Variants in CIMIP6 observed in about 807,000 individuals in gnomAD.
CIMIP6 encodes the protein ciliary microtubule inner protein 6, also known as uncharacterized protein C2orf73.
the CIMIP6 span, among the ~76,000 whole-genome samples, chr2:54,380,386 G>T: frequency 6.6e-6 from 1 of 152,148 alleles, no homozygotes; most frequent in African/African-American, 2.4e-5. Flanking sequence ...GCCTCCCCAT[G>T]CCGCATCCCC....
chr2:54,362,550 G>A, the CIMIP6 span, among the ~76,000 whole-genome samples: 1 of 152,080 alleles, frequency 6.6e-6, no homozygotes, highest in East Asian at 1.9e-4. Context: ...GTCTGTGTGT[G>A]TATGTGTGGT....
the CIMIP6 span, chr2:54,360,395 G>T: frequency 1.2e-6 from 2 of 1,607,836 alleles, no homozygotes; most frequent in Admixed American, 1.7e-5. Context: ...GGAGCTGTTA[G>T]AGCCTAAAAC....
chr2:54,370,140 G>A, the CIMIP6 span, among the ~76,000 whole-genome samples: 3 of 151,772 alleles, frequency 2.0e-5, no homozygotes, highest in South Asian at 4.2e-4. Context: ...TTGTAATCTC[G>A]GCTTCTCGGG....
chr2:54,335,033 G>T, the CIMIP6 span: 1 of 1,573,182 alleles, frequency 6.4e-7, no homozygotes. Flanking sequence ...AGGTTGGACA[G>T]ATGTTCATTG....
At chr2:54,343,967 T>G in the CIMIP6 span, 6 of 1,129,522 alleles carry the variant, frequency 5.3e-6, no homozygotes, top group Non-Finnish European at 7.1e-6. Context: ...CTCCTGAAAA[T>G]AATTACTTCT....
chr2:54,348,416 C>G, the CIMIP6 span, among the ~76,000 whole-genome samples: 2 of 152,052 alleles, frequency 1.3e-5, no homozygotes, highest in African/African-American at 2.4e-5. Context: ...ATTGGTATTT[C>G]TTTTTCTTTC....
At chr2:54,350,450 T>A in the CIMIP6 span, among the ~76,000 whole-genome samples, 2 of 152,220 alleles carry the variant, frequency 1.3e-5, no homozygotes, top group Non-Finnish European at 2.9e-5. Context: ...GATGCAGGAA[T>A]GACTGGGCCT....
chr2:54,359,065 C>A, the CIMIP6 span: 1 of 1,489,674 alleles, frequency 6.7e-7, no homozygotes, highest in Non-Finnish European at 9.1e-7. Context: ...ATGAGCCTCT[C>A]CAGGGAAAGG....
At chr2:54,345,751 A>T in the CIMIP6 span, among the ~76,000 whole-genome samples, 2 of 152,222 alleles carry the variant, frequency 1.3e-5, no homozygotes, top group African/African-American at 4.8e-5. Context: ...TTCCCTACAT[A>T]AAATGCATTA....
chr2:54,378,487 AT>A, the CIMIP6 span, among the ~76,000 whole-genome samples: 8 of 152,178 alleles, frequency 5.3e-5, no homozygotes, highest in South Asian at 4.1e-4. Context: ...ATGTTAATGC[AT>A]TTTTTTTAGA....
chr2:54,345,624 G>A, the CIMIP6 span, among the ~76,000 whole-genome samples: 2 of 152,140 alleles, frequency 1.3e-5, no homozygotes, highest in African/African-American at 2.4e-5. Flanking sequence ...TTGAAATAAC[G>A]TGCCCAAGGC....
At chr2:54,355,103 AT>A in the CIMIP6 span, among the ~76,000 whole-genome samples, 3 of 152,150 alleles carry the variant, frequency 2.0e-5, no homozygotes, top group East Asian at 1.9e-4. Context: ...TTAAATGAAA[AT>A]TTGGTTGGAT....
the CIMIP6 span, among the ~76,000 whole-genome samples, chr2:54,378,161 A>G: frequency 2.0e-5 from 3 of 152,238 alleles, no homozygotes; most frequent in African/African-American, 7.2e-5. Context: ...TGACTTTATC[A>G]TCCTGTTACC....
chr2:54,343,420 A>G, the CIMIP6 span, among the ~76,000 whole-genome samples: 117,573 of 152,072 alleles, frequency 0.77, 45,588 homozygotes, highest in Non-Finnish European at 0.8. Flanking sequence ...TAATAAAATC[A>G]TAGTATAAAA....
chr2:54,346,799 A>G, the CIMIP6 span, among the ~76,000 whole-genome samples: 17 of 152,272 alleles, frequency 1.1e-4, no homozygotes, highest in East Asian at 3.3e-3. Flanking sequence ...TGTTTTCTGC[A>G]TCATTGTCAA....
At chr2:54,358,096 A>G in the CIMIP6 span, among the ~76,000 whole-genome samples, 2 of 152,232 alleles carry the variant, frequency 1.3e-5, no homozygotes, top group Non-Finnish European at 2.9e-5. Context: ...CATCACCCAG[A>G]TTGAAAGATT....
At chr2:54,382,017 G>A in the CIMIP6 span, 1 of 1,508,766 alleles carries the variant, frequency 6.6e-7, no homozygotes, top group Non-Finnish European at 8.8e-7. Flanking sequence ...TTTATAATGA[G>A]GAAGCTAAGG....
chr2:54,383,342 AC>A, the CIMIP6 span: 1 of 152,250 alleles, frequency 6.6e-6, no homozygotes, highest in Admixed American at 6.5e-5. Flanking sequence ...TCATGTTAAT[AC>A]CTGTCATAAA....
At chr2:54,348,676 T>C in the CIMIP6 span, among the ~76,000 whole-genome samples, 1 of 152,216 alleles carries the variant, frequency 6.6e-6, no homozygotes, top group Non-Finnish European at 1.5e-5. Context: ...CATTTAAAAA[T>C]ATGTATATAA....
Sources: allele counts gnomAD v4.1 joint callset (sites outside exome capture counted in the v4.1 genomes callset), GRCh38; gene constraint gnomAD v4.1.1; transcripts MANE v1.5; gene names NCBI Gene and HGNC (gene_info 2026-07-23, HGNC 2026-07-21).